Variants in MID1 observed in about 807,000 individuals in gnomAD.
MID1 encodes the protein E3 ubiquitin-protein ligase Midline-1.
A neutral mutation model predicts 40.4 loss-of-function variants in MID1; 7 were observed. The observed-to-expected ratio is 0.17, with a 90% CI of 0.10 to 0.33. MID1 has a LOEUF of 0.33. Ranked by LOEUF, MID1 falls within the 10% of genes least tolerant of loss-of-function variation. The probability of loss-of-function intolerance (pLI) is 1.00; values close to 1 mark genes in which losing one functional copy is unlikely to be tolerated. For missense variants in MID1, 367 were observed against 558.5 expected, an observed-to-expected ratio of 0.66 and a Z score of 3.46; for synonymous variants, 229 against 221.2, an observed-to-expected ratio of 1.04 and a Z score of -0.31.
At chrX:10,604,899 T>C (rs1329698168) in intron 1 of MID1, among the ~76,000 whole-genome samples, 1 of 112,767 alleles carries the variant, frequency 8.9e-6, no homozygotes, top group Non-Finnish European at 1.9e-5. Flanking sequence ...TTCAAAGACT[T>C]ATTCACAGAG....
At chrX:10,746,507 A>G in intron 1 of MID1, among the ~76,000 whole-genome samples, 1 of 111,970 alleles carries the variant, frequency 8.9e-6, no homozygotes, top group Non-Finnish European at 1.9e-5. Context: ...AATCATTCAC[A>G]TACCTTAACT....
intron 3 of MID1, among the ~76,000 whole-genome samples, chrX:10,513,614 T>A (rs1301266065): frequency 3.6e-5 from 4 of 112,216 alleles, no homozygotes; most frequent in African/African-American, 1.3e-4. Context: ...GTTCAAGCAA[T>A]TCTCCTGCCT....
intron 1 of MID1, among the ~76,000 whole-genome samples, chrX:10,668,833 T>G (rs1183667797): frequency 8.9e-6 from 1 of 112,773 alleles, no homozygotes; most frequent in African/African-American, 3.2e-5. Context: ...GGGCTTATGC[T>G]ATTAGTCTTT....
At chrX:10,524,047 AC>A (rs1470999287) in intron 2 of MID1, among the ~76,000 whole-genome samples, 3 of 111,773 alleles carry the variant, frequency 2.7e-5, no homozygotes, top group Non-Finnish European at 1.9e-5. Context: ...ATGGATACCA[AC>A]AAACAATTGT....
At chrX:10,608,467 G>T (rs1193380507) in intron 1 of MID1, among the ~76,000 whole-genome samples, 2 of 111,491 alleles carry the variant, frequency 1.8e-5, no homozygotes, top group Non-Finnish European at 3.8e-5. Context: ...TTAAGTGAGC[G>T]GGAAAAAATG....
chrX:10,559,578 T>C (rs1365363886), intron 2 of MID1, among the ~76,000 whole-genome samples: 1 of 112,479 alleles, frequency 8.9e-6, no homozygotes, highest in Non-Finnish European at 1.9e-5. Context: ...AACAGGGATT[T>C]TACAGACATC....
intron 1 of MID1, among the ~76,000 whole-genome samples, chrX:10,666,495 AT>A (rs1411118330): frequency 2.7e-5 from 3 of 111,545 alleles, no homozygotes; most frequent in African/African-American, 9.8e-5. Flanking sequence ...TGGAAGAGGA[AT>A]AAGTGAAACT....
At chrX:10,580,933 T>TAA (rs757426965) in intron 1 of MID1, among the ~76,000 whole-genome samples, 850 of 58,447 alleles carry the variant, frequency 0.015, 37 homozygotes, top group African/African-American at 0.048. Flanking sequence ...TGGTGTCCTG[T>TAA]AAAAAAAAAA....
At chrX:10,506,511 A>G in intron 3 of MID1, 1 of 516,980 alleles carries the variant, frequency 1.9e-6, no homozygotes, top group East Asian at 3.6e-5. Flanking sequence ...CAGAGTATTT[A>G]TGTAACATCT....
intron 1 of MID1, among the ~76,000 whole-genome samples, chrX:10,774,535 T>C (rs1275935261): frequency 1.8e-5 from 2 of 110,351 alleles, no homozygotes; most frequent in Non-Finnish European, 3.8e-5. Flanking sequence ...ACCAAACTGA[T>C]ATGGCACTTG....
intron 2 of MID1, among the ~76,000 whole-genome samples, chrX:10,529,075 AG>A: frequency 9.0e-6 from 1 of 111,609 alleles, no homozygotes; most frequent in East Asian, 2.8e-4. Flanking sequence ...TGGAAGCCCT[AG>A]GAAGAGTACC....
intron 1 of MID1, among the ~76,000 whole-genome samples, chrX:10,737,196 A>T (rs1279230779): frequency 8.9e-6 from 1 of 112,616 alleles, no homozygotes; most frequent in East Asian, 2.8e-4. Context: ...CCCTTCAAAA[A>T]TATGCTTAGG....
chrX:10,628,873 T>G (rs1936022974), intron 1 of MID1, among the ~76,000 whole-genome samples: 2 of 112,334 alleles, frequency 1.8e-5, no homozygotes, highest in Admixed American at 1.9e-4. Flanking sequence ...AGTCCCTTTT[T>G]GGACATGCAG....
In MID1 at chrX:10,523,200, A is replaced by G. The variant is rs764564319; in HGVS notation, c.661-13T>C. The G allele has an allele frequency of 8.9e-7, 1 of 1,118,188 alleles. No homozygotes were observed. Among genetic ancestry groups the G allele is most frequent in the Admixed American group, 2.2e-5 (1 of 45,137 alleles). The allele number at this position is 1,118,188 out of a possible 1,213,427, so 92.2% of individuals were successfully genotyped here. A position where few individuals can be genotyped will look rare whatever the true frequency, so the allele number is the denominator to read the frequency against. On this transcript the variant is annotated splice_polypyrimidine_tract_variant and intron_variant, in intron 2 of 9. Transcript: ENST00000317552. ...TCTCTAAGTTTTGCTGTTCAAAAAA[A>G]AAAAAAAAAGAGGAAAAATATTATT...
intron 3 of MID1, among the ~76,000 whole-genome samples, chrX:10,517,076 G>A (rs111365883): frequency 0.026 from 2,861 of 112,043 alleles, 36 homozygotes; most frequent in Non-Finnish European, 0.041. Flanking sequence ...CCATTCTGAA[G>A]AAAAGCAGAG....
intron 1 of MID1, among the ~76,000 whole-genome samples, chrX:10,685,877 TACACACACACACACACACAC>T (rs56245034): frequency 1.2e-5 from 1 of 80,495 alleles, no homozygotes; most frequent in African/African-American, 4.8e-5. Flanking sequence ...CACATACTCA[TACACACACACACACACACAC>T]ACACACACAC....
chrX:10,582,456 T>C (rs1278894216), intron 1 of MID1, among the ~76,000 whole-genome samples: 2 of 112,040 alleles, frequency 1.8e-5, no homozygotes, highest in Admixed American at 9.5e-5. Context: ...TATCTCCTCC[T>C]GGGGATATGG....
chrX:10,506,554 A>G, intron 3 of MID1: 1 of 509,878 alleles, frequency 2.0e-6, no homozygotes, highest in South Asian at 2.6e-5. Flanking sequence ...CTGTTGGGGG[A>G]AGGTAGGCAT....
At chrX:10,583,560 C>T (rs1935066011) in intron 1 of MID1, among the ~76,000 whole-genome samples, 1 of 111,491 alleles carries the variant, frequency 9.0e-6, no homozygotes, top group Non-Finnish European at 1.9e-5. Flanking sequence ...CTATTTCTTA[C>T]AAAAAAATGG....
Sources: gnomAD v4.1 joint callset for allele counts (sites outside exome capture counted in the v4.1 genomes callset) on GRCh38, gnomAD v4.1.1 for gene constraint, MANE v1.5 for transcripts, NCBI Gene and HGNC (gene_info 2026-07-23, HGNC 2026-07-21) for gene names.